Variants in ASTN1 observed in about 807,000 individuals in gnomAD.
ASTN1 encodes the protein astrotactin-1.
A neutral mutation model predicts 140.7 loss-of-function variants in ASTN1; 41 were observed. The observed-to-expected ratio is 0.29, with a 90% CI of 0.23 to 0.38. ASTN1 has a LOEUF of 0.38. Ranked by LOEUF, ASTN1 falls within the 10% of genes least tolerant of loss-of-function variation. ASTN1 has a pLI of 1.00. For missense variants in ASTN1, 1,479 were observed against 1,678.8 expected, an observed-to-expected ratio of 0.88 and a Z score of 2.08; for synonymous variants, 640 against 652.2, an observed-to-expected ratio of 0.98 and a Z score of 0.29.
chr1:177,161,132 A>T (rs1393324829), intron 1 of ASTN1, among the ~76,000 whole-genome samples: 1 of 152,186 alleles, frequency 6.6e-6, no homozygotes, highest in Non-Finnish European at 1.5e-5. Context: ...AAAACTGCCA[A>T]GGCTGATGGC....
intron 6 of ASTN1, among the ~76,000 whole-genome samples, chr1:177,024,190 C>T (rs1675980017): frequency 1.3e-5 from 2 of 152,132 alleles, no homozygotes; most frequent in African/African-American, 2.4e-5. Context: ...AATTTCTCAC[C>T]CAGGCATACA....
intron 1 of ASTN1, among the ~76,000 whole-genome samples, chr1:177,080,811 G>T (rs1679142525): frequency 6.6e-6 from 1 of 152,168 alleles, no homozygotes; most frequent in South Asian, 2.1e-4. Context: ...ACATTTGCTA[G>T]TCAGATGATC....
chr1:176,912,443 T>C (rs1047196907), intron 16 of ASTN1, among the ~76,000 whole-genome samples: 7 of 152,196 alleles, frequency 4.6e-5, no homozygotes, highest in Non-Finnish European at 1.0e-4. Flanking sequence ...TTTAAAAAGG[T>C]AGAACCCATT....
chr1:176,945,099 A>T (rs1234749372), intron 13 of ASTN1, among the ~76,000 whole-genome samples: 1 of 152,092 alleles, frequency 6.6e-6, no homozygotes, highest in African/African-American at 2.4e-5. Flanking sequence ...TTCTAAGAAG[A>T]TGTATTTAAA....
chr1:176,944,288 C>T (rs1671861516), intron 13 of ASTN1, among the ~76,000 whole-genome samples: 1 of 152,086 alleles, frequency 6.6e-6, no homozygotes, highest in Non-Finnish European at 1.5e-5. Flanking sequence ...GGGACATTGT[C>T]TCACTCTGTC....
chr1:176,890,318 T>A (rs973973304), intron 17 of ASTN1, among the ~76,000 whole-genome samples: 2 of 152,222 alleles, frequency 1.3e-5, no homozygotes, highest in African/African-American at 4.8e-5. Flanking sequence ...AGGATGCAAC[T>A]TTTTATCTGA....
At chr1:176,859,170 C>T (rs1010737158), downstream of ASTN1, among the ~76,000 whole-genome samples, 1 of 152,032 alleles carries the variant, frequency 6.6e-6, no homozygotes, top group Non-Finnish European at 1.5e-5. Flanking sequence ...TTTCCTTGTC[C>T]CAAATTGTCC....
At chr1:177,003,811 T>TA (rs544621736) in intron 8 of ASTN1, among the ~76,000 whole-genome samples, 5,162 of 131,338 alleles carry the variant, frequency 0.039, 278 homozygotes, top group African/African-American at 0.13. Context: ...AGACTCTGTC[T>TA]AAAAAAAAAA....
chr1:176,957,723 A>G lies in ASTN1; in HGVS notation c.1842T>C (p.Asn614=). Reference sequence around the variant, plus strand: ...GCTTGCGATCTGAAATACAGCGGAAATTCTTACTGCAGCCCCCGTTATCTT... The same window carrying G: ...GCTTGCGATCTGAAATACAGCGGAAGTTCTTACTGCAGCCCCCGTTATCTT... ...CSKDNGGCSK[N]FRCISDRKLD... The change falls in exon 11 of 23, where the codon AAT becomes AAC. Residue 614 remains asparagine (N), a synonymous_variant. Transcript: ENST00000361833. 2 of 1,614,102 alleles carry G rather than the reference A, an allele frequency of 1.2e-6. No homozygotes were observed. Among genetic ancestry groups the G allele is most frequent in the Non-Finnish European group, 1.7e-6 (2 of 1,179,992 alleles).
intron 16 of ASTN1, among the ~76,000 whole-genome samples, chr1:176,915,054 T>C (rs1670422766): frequency 6.6e-6 from 1 of 152,184 alleles, no homozygotes; most frequent in Admixed American, 6.6e-5. Flanking sequence ...TTAGCAGGTT[T>C]CCTGTCAACC....
chr1:177,072,823 G>A lies in ASTN1; in HGVS notation c.284-11558C>T, dbSNP rs547732190. Among the ~76,000 whole-genome samples, 12 of 152,232 alleles carry A rather than the reference G, an allele frequency of 7.9e-5. No homozygotes were observed. In the South Asian group the frequency reaches 2.3e-3, roughly 29 times the overall value. On this transcript the variant is annotated intron_variant, in intron 1 of 22. Transcript: ENST00000361833. ...CAGTGGTGCCACTCCTCACACCTAC[G>A]TGTGCTGGTCACTGTAGTGCTGCTT... is the stretch of plus-strand genomic sequence containing the variant.
intron 8 of ASTN1, among the ~76,000 whole-genome samples, chr1:176,983,604 TCA>T (rs1410624105): frequency 6.6e-6 from 1 of 152,202 alleles, no homozygotes; most frequent in African/African-American, 2.4e-5. Context: ...GGGAAAATAT[TCA>T]CAGACATAGT....
At chr1:177,045,176 T>A (rs536370804) in intron 2 of ASTN1, among the ~76,000 whole-genome samples, 1 of 152,272 alleles carries the variant, frequency 6.6e-6, no homozygotes, top group South Asian at 2.1e-4. Flanking sequence ...CTATTCCAAT[T>A]CCTAATGCAT....
At chr1:176,873,951 G>A (rs1416801021) in intron 21 of ASTN1, among the ~76,000 whole-genome samples, 1 of 152,108 alleles carries the variant, frequency 6.6e-6, no homozygotes, top group East Asian at 1.9e-4. Flanking sequence ...CCCTATATGG[G>A]CCACTCTTTA....
chr1:176,869,119 C>A (rs1668240413), intron 21 of ASTN1, 92 bp from the exon 22 acceptor site: 1 of 845,222 alleles, frequency 1.2e-6, no homozygotes. Flanking sequence ...ATCATATAGA[C>A]ATATCACATA....
At chr1:176,899,553 C>G (rs1669677124) in intron 16 of ASTN1, among the ~76,000 whole-genome samples, 2 of 152,208 alleles carry the variant, frequency 1.3e-5, no homozygotes, top group Admixed American at 1.3e-4. Flanking sequence ...GCAAAGAAAT[C>G]AAATGCAAGC....
intron 1 of ASTN1, among the ~76,000 whole-genome samples, chr1:177,112,815 T>A (rs1361917110): frequency 6.6e-6 from 1 of 152,196 alleles, no homozygotes; most frequent in African/African-American, 2.4e-5. Flanking sequence ...TCTGTTTCCC[T>A]TTTTTCAAGT....
intron 1 of ASTN1, among the ~76,000 whole-genome samples, chr1:177,092,226 T>C (rs1009447278): frequency 1.3e-5 from 2 of 152,170 alleles, no homozygotes; most frequent in Admixed American, 1.3e-4. Flanking sequence ...CTCATTGTGG[T>C]TTTGTTTTGC....
chr1:176,992,500 C>T (rs1341288799), intron 8 of ASTN1, among the ~76,000 whole-genome samples: 1 of 152,018 alleles, frequency 6.6e-6, no homozygotes, highest in African/African-American at 2.4e-5. Flanking sequence ...TAAGCACCCC[C>T]AATTGGGCCC....
Sources: gnomAD v4.1 joint callset for allele counts (sites outside exome capture counted in the v4.1 genomes callset) on GRCh38, gnomAD v4.1.1 for gene constraint, MANE v1.5 for transcripts, NCBI Gene and HGNC (gene_info 2026-07-23, HGNC 2026-07-21) for gene names.